The following SLC35F3 variants were observed in gnomAD, a reference collection of about 807,000 sequenced individuals.
SLC35F3 encodes solute carrier family 35 member F3, also known as putative thiamine transporter SLC35F3.
A neutral mutation model predicts 49.9 loss-of-function variants in SLC35F3; 25 were observed. The ratio of observed to expected loss-of-function variants is 0.50; its 90% CI spans 0.37 to 0.70. SLC35F3 has a LOEUF of 0.70. SLC35F3 is among the 30% of genes least tolerant of loss of function. The pLI, the probability that SLC35F3 is intolerant of heterozygous loss-of-function variation, is 0.00. For synonymous variants in SLC35F3, 275 were observed against 265.4 expected, an observed-to-expected ratio of 1.04 and a Z score of -0.35; for missense variants, 525 against 639.8, an observed-to-expected ratio of 0.82 and a Z score of 1.94.
At chr1:234,087,549 G>A (rs1210529469) in intron 2 of SLC35F3, among the ~76,000 whole-genome samples, 1 of 152,118 alleles carries the variant, frequency 6.6e-6, no homozygotes, top group Non-Finnish European at 1.5e-5. Context: ...CCAGGCCTGG[G>A]ACCAAGGAAA....
chr1:234,250,919 C>T (rs534504610), intron 3 of SLC35F3, among the ~76,000 whole-genome samples: 1 of 152,158 alleles, frequency 6.6e-6, no homozygotes, highest in East Asian at 1.9e-4. Context: ...GAGGGATTTG[C>T]CCCTGTGATA....
rs374588670 is a variant in SLC35F3 at position 234,295,396 on chromosome 1, C to T, written c.609-13705C>T. ...GCTTTGAAGATTGCCATTCTGCCCACGGATGTGTACCCAATTTCCATTCCC... is the reference window on the plus strand; with the variant it reads ...GCTTTGAAGATTGCCATTCTGCCCATGGATGTGTACCCAATTTCCATTCCC... On this transcript the variant is annotated intron_variant, in intron 3 of 7. Coordinates refer to ENST00000366618, the MANE Select transcript of SLC35F3 (RefSeq NM_173508.4). Among the ~76,000 whole-genome samples, 63 of 152,326 alleles carry T rather than the reference C, an allele frequency of 4.1e-4. 1 individual carries two copies. Among genetic ancestry groups the T allele is most frequent in the African/African-American group, 1.3e-3 (54 of 41,586 alleles).
At chr1:233,948,497 A>T (rs1571991951) in intron 2 of SLC35F3, among the ~76,000 whole-genome samples, 1 of 152,234 alleles carries the variant, frequency 6.6e-6, no homozygotes, top group East Asian at 1.9e-4. Flanking sequence ...ATTAGGAAAA[A>T]TTATTAAAAA....
At chr1:234,090,671 G>C (rs1572048267) in intron 2 of SLC35F3, among the ~76,000 whole-genome samples, 1 of 152,180 alleles carries the variant, frequency 6.6e-6, no homozygotes, top group South Asian at 2.1e-4. Context: ...ATGATCTAAG[G>C]GTGGAGTTTT....
Position 233,905,745 on chromosome 1 carries a change from AGCGAGCT to A in SLC35F3, c.273_279del (p.Ser92LysfsTer65). The A allele has an allele frequency of 6.2e-7, 1 of 1,611,468 alleles. No homozygotes were observed. The highest frequency in any genetic ancestry group is 8.5e-7 in the Non-Finnish European group (1 of 1,178,144). On this transcript the variant is annotated frameshift_variant, in exon 2 of 8. Transcript: ENST00000366618. LOFTEE classifies it high-confidence loss of function. ...GCTACTATGGCTACCAGCCCTGGGCAGCGAGCTGCAAAAGTAAGACCCCCTCACGTCA... is the reference window on the plus strand; with the variant it reads ...GCTACTATGGCTACCAGCCCTGGGCAGCAAAAGTAAGACCCCCTCACGTCA...
chr1:234,242,116 A>T (rs1218452858), intron 3 of SLC35F3, among the ~76,000 whole-genome samples: 1 of 152,200 alleles, frequency 6.6e-6, no homozygotes, highest in East Asian at 1.9e-4. Context: ...GGAAATTGCT[A>T]TGCTGGATTT....
At chr1:234,136,205 C>G (rs1327481548) in intron 2 of SLC35F3, among the ~76,000 whole-genome samples, 1 of 151,672 alleles carries the variant, frequency 6.6e-6, no homozygotes, top group African/African-American at 2.4e-5. Context: ...CCTTTATTTT[C>G]TTCTCTTCCC....
intron 3 of SLC35F3, among the ~76,000 whole-genome samples, chr1:234,285,884 G>C (rs1323717318): frequency 6.6e-6 from 1 of 152,128 alleles, no homozygotes; most frequent in Non-Finnish European, 1.5e-5. Flanking sequence ...AAGTAAGGCA[G>C]GTAGGGGTTA....
At position 234,139,954 on chromosome 1, in the gene SLC35F3, T is replaced by TAAAATAAAATAAAATAAAATAAAATA. The variant is rs1558239898; in HGVS notation, c.284-91459_284-91434dup. Among the ~76,000 whole-genome samples, 49 of 114,346 alleles carry TAAAATAAAATAAAATAAAATAAAATA rather than the reference T, an allele frequency of 4.3e-4. 2 individuals are homozygous for TAAAATAAAATAAAATAAAATAAAATA. Among genetic ancestry groups the TAAAATAAAATAAAATAAAATAAAATA allele is most frequent in the South Asian group, 1.4e-3 (5 of 3,682 alleles). 75.0% of individuals were successfully genotyped at this position (114,346 alleles called of 152,430 possible). ...AGAGCGAGACTCCATCTCAAAATAA[T>TAAAATAAAATAAAATAAAATAAAATA]AAAATAAAATAAAATAAAATAAAAT... is the stretch of plus-strand genomic sequence containing the variant. On this transcript the variant is annotated intron_variant, in intron 2 of 7. Transcript: ENST00000366618.
chr1:234,182,116 A>G (rs1434728015), intron 2 of SLC35F3, among the ~76,000 whole-genome samples: 1 of 152,222 alleles, frequency 6.6e-6, no homozygotes, highest in Admixed American at 6.5e-5. Context: ...TCCTAAAGTT[A>G]ACCAGTAAGG....
chr1:234,018,122 A>G (rs887418020), intron 2 of SLC35F3, among the ~76,000 whole-genome samples: 3 of 152,026 alleles, frequency 2.0e-5, no homozygotes, highest in Non-Finnish European at 4.4e-5. Context: ...GTGTCAGGCA[A>G]CTCTCTGCAC....
intron 2 of SLC35F3, among the ~76,000 whole-genome samples, chr1:234,205,891 G>C (rs1486869127): frequency 2.0e-5 from 3 of 152,180 alleles, no homozygotes; most frequent in Non-Finnish European, 2.9e-5. Context: ...AGATGACCAG[G>C]GGACCTGGGG....
intron 2 of SLC35F3, among the ~76,000 whole-genome samples, chr1:234,221,815 C>T (rs1572101401): frequency 2.6e-5 from 4 of 152,272 alleles, no homozygotes; most frequent in Admixed American, 2.6e-4. Flanking sequence ...CCTCTTGCAG[C>T]CTGGGCTTCT....
At chr1:234,120,402 C>T (rs887287345) in intron 2 of SLC35F3, among the ~76,000 whole-genome samples, 5 of 152,196 alleles carry the variant, frequency 3.3e-5, no homozygotes, top group African/African-American at 1.2e-4. Context: ...TGCTGGGCAT[C>T]TGTGATAATT....
At chr1:234,245,902 G>A (rs1228682259) in intron 3 of SLC35F3, among the ~76,000 whole-genome samples, 1 of 152,144 alleles carries the variant, frequency 6.6e-6, no homozygotes, top group Non-Finnish European at 1.5e-5. Context: ...TTAGGACCTA[G>A]CCTCAAAGTC....
At chr1:233,910,208 C>T (rs1352052010) in intron 2 of SLC35F3, among the ~76,000 whole-genome samples, 5 of 152,198 alleles carry the variant, frequency 3.3e-5, no homozygotes, top group African/African-American at 1.2e-4. Context: ...CTTCTGCTTC[C>T]TTTTCCTTTC....
intron 2 of SLC35F3, among the ~76,000 whole-genome samples, chr1:233,909,451 G>A (rs1330164338): frequency 6.6e-6 from 1 of 152,170 alleles, no homozygotes; most frequent in African/African-American, 2.4e-5. Flanking sequence ...GCTGCTGCAC[G>A]AAATACTGAC....
chr1:234,087,865 G>T (rs1218389104), intron 2 of SLC35F3, among the ~76,000 whole-genome samples: 1 of 152,154 alleles, frequency 6.6e-6, no homozygotes, highest in Non-Finnish European at 1.5e-5. Context: ...CAAAACTTTA[G>T]CACAACATTC....
At chr1:234,042,011 G>A (rs1664229028) in intron 2 of SLC35F3, among the ~76,000 whole-genome samples, 1 of 152,140 alleles carries the variant, frequency 6.6e-6, no homozygotes, top group South Asian at 2.1e-4. Flanking sequence ...GCATGTAGAA[G>A]TAGGCCAGCT....
Sources: allele counts gnomAD v4.1 joint callset (sites outside exome capture counted in the v4.1 genomes callset), GRCh38; gene constraint gnomAD v4.1.1; transcripts MANE v1.5; gene names NCBI Gene and HGNC (gene_info 2026-07-23, HGNC 2026-07-21).